DUSP29: variants seen among roughly 807,000 people sequenced by gnomAD.
DUSP29 encodes atypical dual-specific protein phosphatase.
Under a neutral mutation model 13.5 loss-of-function variants are expected in DUSP29, and 12 were observed. The ratio of observed to expected loss-of-function variants is 0.89; its 90% confidence interval spans 0.57 to 1.44. DUSP29 has a LOEUF of 1.44. Among genes scored for constraint, DUSP29 ranks in the 40% most tolerant of loss-of-function variants. The pLI is 0.00. For synonymous variants in DUSP29, 134 were observed against 128.7 expected (o/e 1.04, Z -0.28); for missense variants, 308 against 301.1 (o/e 1.02, Z -0.17).
rs191041185 is a variant in DUSP29, at chr10:75,068,066, G to A, written c.-35+5503C>T. On this transcript the variant is annotated intron_variant, in intron 1 of 3. Transcript: ENST00000338487. ...GACCTCAAATGATCCACCCCCATCA[G>A]CTTCCCAAAGTGCTGGGATTATAGG... 3.7e-3 allele frequency among the ~76,000 whole-genome samples: 567 copies of A among 152,278 alleles called. 2 individuals are homozygous for A. Among genetic ancestry groups the A allele is most frequent in the Middle Eastern group, 6.8e-3 (2 of 294 alleles).
rs199896579 is a variant in DUSP29, at chr10:75,043,814, G to T, written c.404C>A (p.Ala135Glu). The change falls in exon 3 of 4, where the codon GCG (alanine) becomes GAG (glutamate). Residue 135 changes from alanine (A) to glutamate (E), a missense_variant. Coordinates refer to ENST00000338487, the MANE Select transcript of DUSP29 (RefSeq NM_001003892.3). ...FYPAAAFIDR[A>E]LSDDHSKILV... is the part of the protein sequence containing the mutation. ...TCTCTTACTGTGGTCGTCGCTTAGCGCTCTGTCGATGAAGGCTGCCGCCGG... is the reference window on the plus strand; with the variant it reads ...TCTCTTACTGTGGTCGTCGCTTAGCTCTCTGTCGATGAAGGCTGCCGCCGG... 285 of 1,613,306 alleles carry T rather than the reference G, an allele frequency of 1.8e-4. 1 individual carries two copies. The highest frequency in any genetic ancestry group is 8.0e-5 in the African/African-American group (6 of 74,916).
chr10:75,045,263 G>C (rs890609712), intron 2 of DUSP29, among the ~76,000 whole-genome samples: 5 of 152,180 alleles, frequency 3.3e-5, no homozygotes, highest in Non-Finnish European at 7.4e-5. Flanking sequence ...CCAGCTACTT[G>C]GGAGGCTGAG....
In DUSP29 at chr10:75,048,342, T is replaced by G. The variant is rs12251232; in HGVS notation, c.201-4325A>C. Among the ~76,000 whole-genome samples the G allele has an allele frequency of 6.0e-3, 918 of 152,068 alleles. 7 individuals carry two copies. The highest frequency in any genetic ancestry group is 0.021 in the African/African-American group (879 of 41,488). ...TCATGCAGTTTACTTTTTTTTTTTGTAACCTTTTTTTTACTCTTCCCAGTT... is the reference window on the plus strand; with the variant it reads ...TCATGCAGTTTACTTTTTTTTTTTGGAACCTTTTTTTTACTCTTCCCAGTT... On this transcript the variant is annotated intron_variant, in intron 2 of 3. Coordinates refer to ENST00000338487, the MANE Select transcript of DUSP29 (RefSeq NM_001003892.3).
At chr10:75,038,223 G>A (rs927196472) in intron 3 of DUSP29, 146 bp from the exon 4 acceptor site, 6 of 1,071,586 alleles carry the variant, frequency 5.6e-6, no homozygotes, top group Non-Finnish European at 7.8e-6. Context: ...TGTAGAACGG[G>A]GACACTCTCG....
intron 1 of DUSP29, among the ~76,000 whole-genome samples, chr10:75,061,308 A>G (rs896150643): frequency 1.1e-4 from 16 of 152,212 alleles, no homozygotes; most frequent in Non-Finnish European, 2.9e-5. Flanking sequence ...TTAAAGGATC[A>G]CTAGCTAGCC....
In DUSP29 at chr10:75,043,790, C is replaced by T. The variant is rs114881123; in HGVS notation, c.421+7G>A. 0.029 allele frequency: 46,303 copies of T among 1,610,076 alleles called. 2,848 individuals carry two copies. Among genetic ancestry groups the T allele is most frequent in the East Asian group, 0.2 (9,007 of 44,788 alleles). On this transcript the variant is annotated splice_region_variant and intron_variant, in intron 3 of 3. Coordinates refer to ENST00000338487, the MANE Select transcript of DUSP29 (RefSeq NM_001003892.3). ...GGCCGATCGGGGCGGGGCCGCGGGT[C>T]TCTTACTGTGGTCGTCGCTTAGCGC...
chr10:75,054,272 C>A (rs1846908891), intron 2 of DUSP29, among the ~76,000 whole-genome samples: 1 of 152,062 alleles, frequency 6.6e-6, no homozygotes, highest in Admixed American at 6.6e-5. Context: ...AGGGTCAGAT[C>A]TAAGGAAATA....
At chr10:75,038,100 A>G (rs1846504965) in intron 3 of DUSP29, 23 bp from the exon 4 acceptor site, 1 of 1,603,412 alleles carries the variant, frequency 6.2e-7, no homozygotes, top group Admixed American at 1.7e-5. Context: ...CAGGGAGGAG[A>G]AAACCCACAC....
At chr10:75,044,110 C>T in intron 2 of DUSP29, 93 bp from the exon 3 acceptor site, 1 of 1,255,856 alleles carries the variant, frequency 8.0e-7, no homozygotes, top group Non-Finnish European at 1.1e-6. Flanking sequence ...CTGTGGATTC[C>T]AGTTCCAGAA....
At chr10:75,054,294 A>G (rs1315220553) in intron 2 of DUSP29, among the ~76,000 whole-genome samples, 2 of 152,272 alleles carry the variant, frequency 1.3e-5, no homozygotes, top group Non-Finnish European at 2.9e-5. Flanking sequence ...TTCTAAATAT[A>G]GAAAAAACAT....
At chr10:75,071,820 AT>A (rs1055923121) in intron 1 of DUSP29, among the ~76,000 whole-genome samples, 15 of 152,198 alleles carry the variant, frequency 9.9e-5, no homozygotes, top group African/African-American at 3.6e-4. Context: ...CCACACCCCA[AT>A]CCTGTGCCTA....
intron 1 of DUSP29, among the ~76,000 whole-genome samples, chr10:75,070,630 C>A (rs965754595): frequency 2.0e-5 from 3 of 152,000 alleles, no homozygotes; most frequent in Non-Finnish European, 4.4e-5. Context: ...TGTTCCCAAC[C>A]GAGAATAGGA....
chr10:75,057,071 T>G (rs1846976611), intron 2 of DUSP29, among the ~76,000 whole-genome samples: 1 of 151,516 alleles, frequency 6.6e-6, no homozygotes, highest in Non-Finnish European at 1.5e-5. Context: ...AGGTCAGGAG[T>G]TGGAGACCAG....
At chr10:75,073,203 C>T (rs1847372071) in intron 1 of DUSP29, among the ~76,000 whole-genome samples, 1 of 152,112 alleles carries the variant, frequency 6.6e-6, no homozygotes, top group Non-Finnish European at 1.5e-5. Flanking sequence ...CTCTCTCTCT[C>T]TCGCCCCCGA....
At chr10:75,054,419 A>C (rs901189797) in intron 2 of DUSP29, among the ~76,000 whole-genome samples, 1 of 152,226 alleles carries the variant, frequency 6.6e-6, no homozygotes, top group African/African-American at 2.4e-5. Flanking sequence ...CATCTGATAT[A>C]TTGTCATGTC....
At chr10:75,064,502 G>T (rs551565037) in intron 1 of DUSP29, among the ~76,000 whole-genome samples, 1 of 152,050 alleles carries the variant, frequency 6.6e-6, no homozygotes, top group African/African-American at 2.4e-5. Context: ...GCGAGACTCC[G>T]TCTCAGAAAC....
rs548878211 is a variant in DUSP29 at position 75,064,528 on chromosome 10, A to C, written c.-34-5980T>G. The stretch of plus-strand genomic sequence containing the variant: ...TCTCAGAAACAAAAAACAACAACAA[A>C]AAAAGTTTTTTGTAGAGATGGGCTC... On this transcript the variant is annotated intron_variant, in intron 1 of 3. Transcript: ENST00000338487. Among the ~76,000 whole-genome samples, 8 of 152,040 alleles carry C rather than the reference A, an allele frequency of 5.3e-5. No individual in the cohort carries two copies. In the East Asian group the frequency reaches 1.6e-3, roughly 30 times the overall value.
chr10:75,051,010 T>A (rs944723189), intron 2 of DUSP29, among the ~76,000 whole-genome samples: 2 of 152,218 alleles, frequency 1.3e-5, no homozygotes, highest in African/African-American at 4.8e-5. Context: ...TGAGCTAACC[T>A]GGGATGGAGA....
At chr10:75,048,797 G>C (rs927759697) in intron 2 of DUSP29, among the ~76,000 whole-genome samples, 1 of 152,184 alleles carries the variant, frequency 6.6e-6, no homozygotes. Flanking sequence ...CGGCCTTCCG[G>C]TGTCTTGGGT....
Sources: allele counts gnomAD v4.1 joint callset (sites outside exome capture counted in the v4.1 genomes callset), GRCh38; gene constraint gnomAD v4.1.1; transcripts MANE v1.5; gene names NCBI Gene and HGNC (gene_info 2026-07-23, HGNC 2026-07-21).